NAV2: variants seen among roughly 807,000 people sequenced by gnomAD.
NAV2 encodes neuron navigator 2, also known as helicase, APC down-regulated 1.
NAV2 carries 54 observed loss-of-function variants against 223.2 expected under a neutral mutation model. That is an observed-to-expected ratio of 0.24 (90% CI 0.19 to 0.30). NAV2 has a LOEUF of 0.30. NAV2 is among the 10% of genes least tolerant of loss of function. The pLI, the probability that NAV2 is intolerant of heterozygous loss-of-function variation, is 1.00. For synonymous variants in NAV2, 1,279 were observed against 1,239.3 expected (o/e 1.03, Z -0.67); for missense variants, 2,806 against 3,147.5 (o/e 0.89, Z 2.60).
At chr11:19,349,701 A>C (rs1853193017), upstream of NAV2, among the ~76,000 whole-genome samples, 1 of 152,134 alleles carries the variant, frequency 6.6e-6, no homozygotes, top group Non-Finnish European at 1.5e-5. Context: ...TTGTTGATGC[A>C]TGATCTTCCT....
chr11:19,893,635 A>G (rs1337495852), intron 6 of NAV2, among the ~76,000 whole-genome samples: 1 of 152,120 alleles, frequency 6.6e-6, no homozygotes, highest in Non-Finnish European at 1.5e-5. Flanking sequence ...CTCCCTACAT[A>G]TGAAGGAAAT....
chr11:19,966,229 A>C (rs1293461986), intron 10 of NAV2, among the ~76,000 whole-genome samples: 4 of 152,168 alleles, frequency 2.6e-5, no homozygotes, highest in Non-Finnish European at 5.9e-5. Flanking sequence ...TGCATGTGGG[A>C]TCCAGAGATG....
chr11:20,036,660 T>G (rs1047541117), intron 12 of NAV2, among the ~76,000 whole-genome samples: 8 of 152,202 alleles, frequency 5.3e-5, no homozygotes, highest in African/African-American at 1.9e-4. Context: ...CCTGTCAAAT[T>G]TTTAGAATTA....
rs111926040 is a variant in NAV2 at position 20,106,516 on chromosome 11, C to T, written c.6841+789C>T. On this transcript the variant is annotated intron_variant, in intron 35 of 37. Coordinates refer to ENST00000349880, the MANE Select transcript of NAV2 (RefSeq NM_145117.5). ...CGGAGGCTGCTGTGAGCCGAGATTGCGCCATTGCACTCCAGCCTGGGGAAC... is the reference window on the plus strand; with the variant it reads ...CGGAGGCTGCTGTGAGCCGAGATTGTGCCATTGCACTCCAGCCTGGGGAAC... Among the ~76,000 whole-genome samples, 756 of 130,284 alleles carry T rather than the reference C, an allele frequency of 5.8e-3. 5 individuals are homozygous for T. The highest frequency in any genetic ancestry group is 0.037 in the Middle Eastern group (8 of 218). The allele number at this position is 130,284 out of a possible 152,430, so 85.5% of individuals were successfully genotyped here. A position where few individuals can be genotyped will look rare whatever the true frequency, so the allele number is the denominator to read the frequency against.
chr11:19,723,339 GC>G (rs1270215670), intron 1 of NAV2, among the ~76,000 whole-genome samples: 6 of 152,140 alleles, frequency 3.9e-5, no homozygotes, highest in African/African-American at 1.4e-4. Flanking sequence ...GAGAGGACTA[GC>G]CTTAGAGGAG....
intron 10 of NAV2, among the ~76,000 whole-genome samples, chr11:19,977,860 A>G (rs889238187): frequency 1.3e-4 from 18 of 142,176 alleles, no homozygotes; most frequent in African/African-American, 4.3e-4. Flanking sequence ...GCTGGAGTGC[A>G]ATGGCACAGT....
intron 1 of NAV2, among the ~76,000 whole-genome samples, chr11:19,602,273 G>C (rs1477941125): frequency 1.3e-5 from 2 of 150,460 alleles, no homozygotes; most frequent in Admixed American, 6.6e-5. Flanking sequence ...CGCCTCCCGA[G>C]TTCAGGCTAT....
chr11:19,758,865 G>A (rs2054474987), intron 1 of NAV2, among the ~76,000 whole-genome samples: 1 of 152,158 alleles, frequency 6.6e-6, no homozygotes, highest in African/African-American at 2.4e-5. Flanking sequence ...CAGGGAGGCA[G>A]AGCAACTGCT....
At chr11:20,020,859 G>A (rs551852319) in intron 11 of NAV2, among the ~76,000 whole-genome samples, 40 of 152,164 alleles carry the variant, frequency 2.6e-4, no homozygotes, top group African/African-American at 9.6e-4. Flanking sequence ...GGACTCTCTG[G>A]CCTGACCCCC....
chr11:19,586,545 A>G (rs1041334948), intron 1 of NAV2, among the ~76,000 whole-genome samples: 6 of 152,140 alleles, frequency 3.9e-5, no homozygotes, highest in African/African-American at 1.4e-4. Flanking sequence ...GGTGACGTAC[A>G]TATGGGGTTT....
At chr11:19,999,221 C>A (rs2052286934) in intron 11 of NAV2, among the ~76,000 whole-genome samples, 1 of 152,170 alleles carries the variant, frequency 6.6e-6, no homozygotes, top group Non-Finnish European at 1.5e-5. Flanking sequence ...TTGTGGCACA[C>A]AGTGAACCCA....
chr11:19,967,873 T>C (rs2048901937), intron 10 of NAV2, among the ~76,000 whole-genome samples: 1 of 152,226 alleles, frequency 6.6e-6, no homozygotes, highest in Non-Finnish European at 1.5e-5. Flanking sequence ...TATTGTATTC[T>C]GGAGATAAGG....
chr11:19,476,052 G>A (rs7105352), intron 1 of NAV2, among the ~76,000 whole-genome samples: 7,385 of 152,208 alleles, frequency 0.049, 608 homozygotes, highest in African/African-American at 0.17. Flanking sequence ...TTGGCTCACT[G>A]TAACCTCCGC....
intron 1 of NAV2, among the ~76,000 whole-genome samples, chr11:19,622,747 G>T (rs1337735858): frequency 6.6e-6 from 1 of 152,138 alleles, no homozygotes; most frequent in African/African-American, 2.4e-5. Context: ...TTTAATTGGA[G>T]CATTTAGCCC....
chr11:19,937,098 A>G (rs528852868), intron 7 of NAV2, among the ~76,000 whole-genome samples: 42 of 152,310 alleles, frequency 2.8e-4, no homozygotes, highest in Non-Finnish European at 5.1e-4. Context: ...TGATCACGCC[A>G]CTGCACACCA....
intron 1 of NAV2, among the ~76,000 whole-genome samples, chr11:19,533,621 C>A (rs1216387401): frequency 6.6e-6 from 1 of 152,088 alleles, no homozygotes; most frequent in African/African-American, 2.4e-5. Flanking sequence ...CATACTGAAA[C>A]CTTCTCTGAG....
intron 6 of NAV2, among the ~76,000 whole-genome samples, chr11:19,914,918 T>G (rs2043668274): frequency 6.6e-6 from 1 of 152,244 alleles, no homozygotes. Context: ...TTTGTTTTGT[T>G]CTTAATATTC....
chr11:19,511,543 T>C (rs1297611320), intron 1 of NAV2: 1 of 152,136 alleles, frequency 6.6e-6, no homozygotes, highest in East Asian at 1.9e-4. Flanking sequence ...ACCATCAAAA[T>C]TGTAGCAGGG....
intron 26 of NAV2, among the ~76,000 whole-genome samples, chr11:20,083,739 G>T (rs554202620): frequency 4.5e-4 from 68 of 152,178 alleles, no homozygotes; most frequent in African/African-American, 1.5e-3. Context: ...AAAGAAGTTT[G>T]GTTGTATAAA....
Sources: gnomAD v4.1 joint callset for allele counts (sites outside exome capture counted in the v4.1 genomes callset) on GRCh38, gnomAD v4.1.1 for gene constraint, MANE v1.5 for transcripts, NCBI Gene and HGNC (gene_info 2026-07-23, HGNC 2026-07-21) for gene names.